Variants in PPP1R16B observed in about 807,000 individuals in gnomAD.
PPP1R16B encodes the protein protein phosphatase 1 regulatory inhibitor subunit 16B.
PPP1R16B carries 14 observed loss-of-function variants against 61.7 expected under a neutral mutation model. That is an observed-to-expected ratio of 0.23 (90% confidence interval 0.15 to 0.35). The LOEUF (loss-of-function observed/expected upper bound fraction) is 0.35. Among genes scored for constraint, PPP1R16B ranks in the 10% least tolerant of loss-of-function variants. PPP1R16B has a pLI of 1.00. For synonymous variants in PPP1R16B, 266 were observed against 305.3 expected, an observed-to-expected ratio of 0.87 and a Z score of 1.34; for missense variants, 547 against 752.5, an observed-to-expected ratio of 0.73 and a Z score of 3.19.
In PPP1R16B at chr20:38,806,208, C is replaced by G. The variant is rs75499349; in HGVS notation, c.-102+416C>G. Among the ~76,000 whole-genome samples, 5,196 of 152,156 alleles carry G rather than the reference C, an allele frequency of 0.034. 109 individuals carry two copies. Among genetic ancestry groups the G allele is most frequent in the Non-Finnish European group, 0.05 (3,422 of 67,938 alleles). ...CCACAGCGGACACCAAACAACCCCC[C>G]CCCGCGCACTCTCCCGGCCGGGCAT... On this transcript the variant is annotated intron_variant, in intron 1 of 10. Transcript: ENST00000299824. This position sits in a 1 kb window ranked among gnomAD's most constrained non-coding sequence, Gnocchi z 4.5.
intron 2 of PPP1R16B, among the ~76,000 whole-genome samples, chr20:38,853,752 C>T (rs2084984362): frequency 6.6e-6 from 1 of 152,186 alleles, no homozygotes; most frequent in Non-Finnish European, 1.5e-5. Context: ...CTGGTTCTGC[C>T]TGGGCTCACT....
intron 2 of PPP1R16B, among the ~76,000 whole-genome samples, chr20:38,852,365 C>T (rs1243673145): frequency 6.6e-6 from 1 of 152,226 alleles, no homozygotes; most frequent in Non-Finnish European, 1.5e-5. Flanking sequence ...GGCAATTATT[C>T]TCCTGTGATC....
At chr20:38,841,095 G>C (rs115170258) in intron 2 of PPP1R16B, among the ~76,000 whole-genome samples, 330 of 152,208 alleles carry the variant, frequency 2.2e-3, no homozygotes, top group African/African-American at 7.4e-3. Flanking sequence ...TCTGAGGTTA[G>C]AGAGTCAAAC....
chr20:38,905,847 TCATTCTATTC>T, intron 6 of PPP1R16B, 112 bp from the exon 7 acceptor site: 1 of 1,011,616 alleles, frequency 9.9e-7, no homozygotes, highest in Non-Finnish European at 1.4e-6. Flanking sequence ...TATTTCCATT[TCATTCTATTC>T]CATTCTACTG....
At chr20:38,840,262 G>A (rs539464600) in intron 2 of PPP1R16B, among the ~76,000 whole-genome samples, 1 of 152,270 alleles carries the variant, frequency 6.6e-6, no homozygotes, top group South Asian at 2.1e-4. Context: ...GCGTGGGAGC[G>A]TGGGGTGGCA....
At chr20:38,849,113 G>A (rs1378908376) in intron 2 of PPP1R16B, among the ~76,000 whole-genome samples, 1 of 152,068 alleles carries the variant, frequency 6.6e-6, no homozygotes, top group African/African-American at 2.4e-5. Flanking sequence ...TTGTTTGTTT[G>A]TTTGTTTTTG....
chr20:38,871,538 T>C (rs1014639479), intron 2 of PPP1R16B, among the ~76,000 whole-genome samples: 1 of 148,196 alleles, frequency 6.7e-6, no homozygotes, highest in African/African-American at 2.5e-5. Flanking sequence ...AAGGGAAGGA[T>C]TGAGAAGGAG....
At chr20:38,889,812 C>G in intron 3 of PPP1R16B, 147 bp downstream of exon 3, 6 of 846,202 alleles carry the variant, frequency 7.1e-6, no homozygotes, top group Non-Finnish European at 9.7e-6. Flanking sequence ...CTGAAAGGCT[C>G]TTGTCTACTT....
chr20:38,901,840 T>C (rs192891554), intron 5 of PPP1R16B, among the ~76,000 whole-genome samples: 150 of 152,376 alleles, frequency 9.8e-4, no homozygotes, highest in African/African-American at 3.5e-3. Context: ...AACAATAAGA[T>C]AACAGGATAT....
At chr20:38,812,181 T>TG (rs1464221212) in intron 1 of PPP1R16B, among the ~76,000 whole-genome samples, 1 of 152,172 alleles carries the variant, frequency 6.6e-6, no homozygotes, top group Non-Finnish European at 1.5e-5. Context: ...AGCAGGTGCT[T>TG]GGGGGCCCAG....
chr20:38,810,286 G>A (rs2084691959), intron 1 of PPP1R16B, among the ~76,000 whole-genome samples: 1 of 152,220 alleles, frequency 6.6e-6, no homozygotes, highest in South Asian at 2.1e-4. Context: ...AAGTTTGATG[G>A]AGGCAGAAGC....
chr20:38,864,105 A>C (rs1002171233), intron 2 of PPP1R16B, among the ~76,000 whole-genome samples: 1 of 152,244 alleles, frequency 6.6e-6, no homozygotes, highest in Non-Finnish European at 1.5e-5. Context: ...CACGTGTTCT[A>C]GAACTCCACT....
chr20:38,806,258 G>T lies in PPP1R16B; in HGVS notation c.-102+466G>T, dbSNP rs2084660273. Among the ~76,000 whole-genome samples the T allele has an allele frequency of 1.3e-5, 2 of 152,074 alleles. No homozygotes were observed. Among genetic ancestry groups the T allele is most frequent in the Admixed American group, 6.5e-5 (1 of 15,280 alleles). ...TGGTGGTGCCGCCCCCTCGCGTGGC[G>T]GGGCTTGGTCCTGGCGGGCAGCGGC... On this transcript the variant is annotated intron_variant, in intron 1 of 10. Transcript: ENST00000299824. This position sits in a 1 kb window ranked among gnomAD's most constrained non-coding sequence, Gnocchi z 4.5.
Position 38,906,972 on chromosome 20 carries a change from G to A in PPP1R16B, c.823-7G>A, listed in dbSNP as rs752718694. ...GGGGGACACATGAGCTTCTTCCTGT[G>A]TTTCAGATGCAGATGGCAGAGCTAT... is the stretch of plus-strand genomic sequence containing the variant. On this transcript the variant is annotated splice_region_variant and splice_polypyrimidine_tract_variant and intron_variant, in intron 7 of 10. Transcript: ENST00000299824. 117 of 1,613,274 alleles carry A rather than the reference G, an allele frequency of 7.3e-5. No homozygotes were observed. In the South Asian group the frequency reaches 1.2e-3, roughly 16 times the overall value.
At chr20:38,850,358 A>C (rs1017357189) in intron 2 of PPP1R16B, among the ~76,000 whole-genome samples, 5 of 152,150 alleles carry the variant, frequency 3.3e-5, no homozygotes, top group East Asian at 1.9e-4. Flanking sequence ...CCACTCCCCC[A>C]AAAATATTGG....
At chr20:38,826,225 C>T (rs772690262) in intron 1 of PPP1R16B, among the ~76,000 whole-genome samples, 11 of 152,152 alleles carry the variant, frequency 7.2e-5, no homozygotes, top group Non-Finnish European at 1.3e-4. Context: ...GGGTGGACCA[C>T]ACTCCCTCAA....
intron 2 of PPP1R16B, among the ~76,000 whole-genome samples, chr20:38,852,933 C>A (rs1465365281): frequency 6.6e-6 from 1 of 151,746 alleles, no homozygotes; most frequent in Non-Finnish European, 1.5e-5. Flanking sequence ...ACCACCACGC[C>A]CAGCTAATTT....
rs569226311 is a variant in PPP1R16B, at chr20:38,902,624, G to A, written c.572-44G>A. 32 of 1,612,440 alleles carry A rather than the reference G, an allele frequency of 2.0e-5. 1 individual carries two copies. The highest frequency in any genetic ancestry group is 3.3e-4 in the Middle Eastern group (2 of 6,008). On this transcript the variant is annotated intron_variant, in intron 5 of 10. Coordinates refer to ENST00000299824, the MANE Select transcript of PPP1R16B (RefSeq NM_015568.4). The stretch of plus-strand genomic sequence containing the variant: ...CTGCCTTCCCCTGCCCTCTGGGGTC[G>A]TAGGCCTGAGGGTGCTAAATAAATC...
intron 1 of PPP1R16B, among the ~76,000 whole-genome samples, chr20:38,819,942 G>C (rs796357369): frequency 6.6e-6 from 1 of 151,882 alleles, no homozygotes; most frequent in Non-Finnish European, 1.5e-5. Flanking sequence ...CTCCAACCCC[G>C]TATGTCCCTT....
Sources: gnomAD v4.1 joint callset for allele counts (sites outside exome capture counted in the v4.1 genomes callset) on GRCh38, gnomAD v4.1.1 for gene constraint, Gnocchi (gnomAD v3.1) non-coding constraint, MANE v1.5 for transcripts, NCBI Gene and HGNC (gene_info 2026-07-23, HGNC 2026-07-21) for gene names.